Variants in FAT3 observed in about 807,000 individuals in gnomAD.
The protein encoded by FAT3 is protocadherin Fat 3.
In FAT3, 95 loss-of-function variants were observed where a neutral mutation model predicts 310.2. The ratio of observed to expected loss-of-function variants is 0.31; its 90% CI spans 0.26 to 0.36. The LOEUF (loss-of-function observed/expected upper bound fraction) is 0.36, where lower values mean the gene tolerates loss of function less well. Among genes scored for constraint, FAT3 ranks in the 10% least tolerant of loss-of-function variants. The pLI is 1.00. For missense variants in FAT3, 5,408 were observed against 5,715.6 expected, an observed-to-expected ratio of 0.95 and a Z score of 1.74; for synonymous variants, 2,314 against 2,192.9, an observed-to-expected ratio of 1.06 and a Z score of -1.54.
At chr11:92,443,681 T>C (rs1951134352) in intron 2 of FAT3, among the ~76,000 whole-genome samples, 1 of 152,204 alleles carries the variant, frequency 6.6e-6, no homozygotes. Flanking sequence ...AACTGATCTA[T>C]TCTGTGTGGA....
chr11:92,532,416 A>G (rs988291233), intron 3 of FAT3, among the ~76,000 whole-genome samples: 1 of 152,170 alleles, frequency 6.6e-6, no homozygotes, highest in Non-Finnish European at 1.5e-5. Context: ...ATACATTTGT[A>G]TGTTTTTCTA....
At chr11:92,232,629 T>TTG in intron 1 of FAT3, among the ~76,000 whole-genome samples, 2 of 27,900 alleles carry the variant, frequency 7.2e-5, no homozygotes, top group African/African-American at 6.8e-4. Flanking sequence ...AGTGATGTCG[T>TTG]TTTTTTTTTT....
Position 92,355,421 on chromosome 11 carries a change from G to A in FAT3, c.3292+17G>A. On this transcript the variant is annotated intron_variant, in intron 2 of 27. Transcript: ENST00000525166. ...ACGAGAGTGGTAAGTGTAATATTTTGTGCCAAGAGTGTTGTTTCACCTCTT... is the reference window on the plus strand; with the variant it reads ...ACGAGAGTGGTAAGTGTAATATTTTATGCCAAGAGTGTTGTTTCACCTCTT... 1 of 1,586,918 alleles carries A rather than the reference G, an allele frequency of 6.3e-7. No homozygotes were observed. The highest frequency in any genetic ancestry group is 8.6e-7 in the Non-Finnish European group (1 of 1,162,384).
intron 3 of FAT3, among the ~76,000 whole-genome samples, chr11:92,539,297 C>T (rs1394169190): frequency 6.6e-6 from 1 of 152,150 alleles, no homozygotes; most frequent in Non-Finnish European, 1.5e-5. Context: ...AATGAAATGA[C>T]TTTCAGTTTA....
intron 2 of FAT3, among the ~76,000 whole-genome samples, chr11:92,483,400 A>G (rs1378740690): frequency 2.0e-5 from 3 of 151,382 alleles, no homozygotes; most frequent in East Asian, 3.9e-4. Flanking sequence ...CAATGGCGCG[A>G]TCTCAGCTCA....
chr11:92,788,649 C>T (rs945890487), intron 7 of FAT3, among the ~76,000 whole-genome samples: 1 of 152,164 alleles, frequency 6.6e-6, no homozygotes, highest in African/African-American at 2.4e-5. Flanking sequence ...GATGGAAGTA[C>T]ACTAAATCAC....
chr11:92,679,043 C>A (rs1310585794), intron 3 of FAT3, among the ~76,000 whole-genome samples: 1 of 152,148 alleles, frequency 6.6e-6, no homozygotes, highest in Non-Finnish European at 1.5e-5. Flanking sequence ...ATCGTGCAAA[C>A]ATGTGATATT....
At chr11:92,805,431 C>T (rs532934035) in intron 11 of FAT3, 82 bp downstream of exon 11, 1 of 1,433,250 alleles carries the variant, frequency 7.0e-7, no homozygotes, top group South Asian at 1.4e-5. Flanking sequence ...CTTCTTAAGG[C>T]CAGGCAAACT....
rs573810851 is a variant in FAT3, at chr11:92,288,027, G to T, written c.-18+62853G>T. ...ATGGAAGTTGTTGCTGGGCTGAGAA[G>T]TACCTTTGGGAAATAAGATAAATTG... On this transcript the variant is annotated intron_variant, in intron 1 of 27. Coordinates refer to ENST00000525166, the MANE Select transcript of FAT3 (RefSeq NM_001367949.2). Among the ~76,000 whole-genome samples, 3 of 152,108 alleles carry T rather than the reference G, an allele frequency of 2.0e-5. No individual in the cohort carries two copies. The South Asian group carries it at 6.2e-4, about 32-fold the overall frequency.
chr11:92,284,704 C>T (rs773995466), intron 1 of FAT3, among the ~76,000 whole-genome samples: 1 of 152,078 alleles, frequency 6.6e-6, no homozygotes, highest in Non-Finnish European at 1.5e-5. Flanking sequence ...AAGACTTTGT[C>T]GCTCTTGACC....
chr11:92,239,712 TCTA>T (rs978381359), intron 1 of FAT3, among the ~76,000 whole-genome samples: 1 of 152,122 alleles, frequency 6.6e-6, no homozygotes, highest in African/African-American at 2.4e-5. Context: ...AAGTTGGAAA[TCTA>T]CTGTTTTCTG....
At chr11:92,633,147 T>G (rs1368603927) in intron 3 of FAT3, among the ~76,000 whole-genome samples, 2 of 152,244 alleles carry the variant, frequency 1.3e-5, no homozygotes, top group African/African-American at 4.8e-5. Context: ...CTCTGTTTAT[T>G]TATGCATAAA....
At position 92,411,762 on chromosome 11, in the gene FAT3, T is replaced by C. The variant is rs576263239; in HGVS notation, c.3292+56358T>C. ...CAATGAAAGATTTATTTTTTCTGAATCTAAATTCATCGTGTCTTCTCAAAA... is the reference window on the plus strand; with the variant it reads ...CAATGAAAGATTTATTTTTTCTGAACCTAAATTCATCGTGTCTTCTCAAAA... On this transcript the variant is annotated intron_variant, in intron 2 of 27. Coordinates refer to ENST00000525166, the MANE Select transcript of FAT3 (RefSeq NM_001367949.2). Among the ~76,000 whole-genome samples the C allele has an allele frequency of 7.9e-5, 12 of 152,066 alleles. No homozygotes were observed. The South Asian group carries it at 2.5e-3, about 32-fold the overall frequency.
chr11:92,852,769 G>A (rs911379951), intron 19 of FAT3, among the ~76,000 whole-genome samples: 39 of 152,028 alleles, frequency 2.6e-4, no homozygotes, highest in African/African-American at 9.2e-4. Context: ...TCACAGTGGG[G>A]ACTGGATCTA....
chr11:92,332,737 A>G (rs1163483208), intron 1 of FAT3, among the ~76,000 whole-genome samples: 1 of 152,214 alleles, frequency 6.6e-6, no homozygotes, highest in Non-Finnish European at 1.5e-5. Context: ...TATTTAAGGC[A>G]TACATGATCA....
intron 1 of FAT3, among the ~76,000 whole-genome samples, chr11:92,245,469 AC>A (rs1176103535): frequency 6.6e-6 from 1 of 152,104 alleles, no homozygotes. Context: ...CTGCATATGT[AC>A]CCCAGAACTT....
chr11:92,519,443 A>C (rs1953609933), intron 2 of FAT3, among the ~76,000 whole-genome samples: 1 of 152,144 alleles, frequency 6.6e-6, no homozygotes, highest in South Asian at 2.1e-4. Context: ...AAGAAAACAC[A>C]GGACAAAATT....
intron 1 of FAT3, among the ~76,000 whole-genome samples, chr11:92,235,124 A>G (rs1402081512): frequency 1.3e-5 from 2 of 151,168 alleles, no homozygotes; most frequent in Non-Finnish European, 2.9e-5. Flanking sequence ...CCAACCCAGA[A>G]TCATACCTCT....
At chr11:92,406,512 C>G (rs1288351939) in intron 2 of FAT3, 1 of 152,122 alleles carries the variant, frequency 6.6e-6, no homozygotes, top group Admixed American at 6.6e-5. Context: ...TAAATAAATG[C>G]CTTAGTGCCT....
Sources: gnomAD v4.1 joint callset for allele counts (sites outside exome capture counted in the v4.1 genomes callset) on GRCh38, gnomAD v4.1.1 for gene constraint, MANE v1.5 for transcripts, NCBI Gene and HGNC (gene_info 2026-07-23, HGNC 2026-07-21) for gene names.